The following PDE11A variants were observed in gnomAD, a reference collection of about 807,000 sequenced individuals.
The protein encoded by PDE11A is dual 3',5'-cyclic-AMP and -GMP phosphodiesterase 11A.
PDE11A carries 100 observed loss-of-function variants against 100.5 expected under a neutral mutation model. The ratio of observed to expected loss-of-function variants is 1.00; its 90% CI spans 0.85 to 1.18. The LOEUF (loss-of-function observed/expected upper bound fraction) is 1.18, where lower values mean the gene tolerates loss of function less well. Ranked by LOEUF, PDE11A falls within the 50% of genes most tolerant of loss-of-function variation. The pLI, the probability that PDE11A is intolerant of heterozygous loss-of-function variation, is 0.00. For missense variants in PDE11A, 1,141 were observed against 1,152.6 expected, an observed-to-expected ratio of 0.99 and a Z score of 0.15; for synonymous variants, 381 against 420.8, an observed-to-expected ratio of 0.91 and a Z score of 1.16.
chr2:178,001,509 A>G (rs2086145217), intron 2 of PDE11A, among the ~76,000 whole-genome samples: 1 of 152,180 alleles, frequency 6.6e-6, no homozygotes, highest in Admixed American at 6.6e-5. Flanking sequence ...AATCGGCACA[A>G]TGGATTTTAG....
chr2:177,986,228 G>C (rs1559032847), intron 2 of PDE11A, among the ~76,000 whole-genome samples: 1 of 152,114 alleles, frequency 6.6e-6, no homozygotes, highest in Non-Finnish European at 1.5e-5. Context: ...CCTAACACCA[G>C]GCTAATCCAT....
At chr2:177,795,413 A>G (rs1324636441) in intron 9 of PDE11A, among the ~76,000 whole-genome samples, 1 of 152,136 alleles carries the variant, frequency 6.6e-6, no homozygotes, top group Non-Finnish European at 1.5e-5. Context: ...GTTTGCTTCC[A>G]TTCCAAGAGC....
chr2:178,068,291 C>A (rs2087076377), intron 1 of PDE11A, among the ~76,000 whole-genome samples: 1 of 150,770 alleles, frequency 6.6e-6, no homozygotes, highest in Non-Finnish European at 1.5e-5. Flanking sequence ...TCTTTTAGGA[C>A]TAATTGAGGA....
At chr2:177,801,355 T>C (rs1367194293) in intron 9 of PDE11A, among the ~76,000 whole-genome samples, 2 of 152,202 alleles carry the variant, frequency 1.3e-5, no homozygotes, top group Non-Finnish European at 2.9e-5. Context: ...TGAATACTGT[T>C]TGATTTTTAA....
At chr2:178,021,931 T>TG (rs1328196016) in intron 1 of PDE11A, among the ~76,000 whole-genome samples, 1 of 152,030 alleles carries the variant, frequency 6.6e-6, no homozygotes, top group Non-Finnish European at 1.5e-5. Context: ...GTGTCAGACA[T>TG]GGGGTAGGAA....
intron 1 of PDE11A, among the ~76,000 whole-genome samples, chr2:178,050,369 T>C (rs1423133882): frequency 6.6e-6 from 1 of 151,986 alleles, no homozygotes; most frequent in African/African-American, 2.4e-5. Flanking sequence ...CATCAAAGAC[T>C]AAAGGTAGAC....
At chr2:177,991,644 T>TAAA (rs770408763) in intron 2 of PDE11A, among the ~76,000 whole-genome samples, 1 of 150,754 alleles carries the variant, frequency 6.6e-6, no homozygotes, top group Non-Finnish European at 1.5e-5. Flanking sequence ...CAAAAAATGA[T>TAAA]AATAATAATA....
At chr2:178,080,478 G>A (rs528613480) in intron 2 of PDE11A, among the ~76,000 whole-genome samples, 176 of 152,194 alleles carry the variant, frequency 1.2e-3, no homozygotes, top group Middle Eastern at 0.01. Context: ...TTATTTCTGA[G>A]TTCTCTATTC....
intron 9 of PDE11A, among the ~76,000 whole-genome samples, chr2:177,788,383 A>C (rs2082573169): frequency 6.7e-6 from 1 of 149,584 alleles, no homozygotes; most frequent in Non-Finnish European, 1.5e-5. Context: ...GGACGCATTC[A>C]AAGCAGTGTG....
At chr2:178,105,705 TG>T in intron 1 of PDE11A, 1 of 1,007,208 alleles carries the variant, frequency 9.9e-7, no homozygotes, top group Non-Finnish European at 1.4e-6. Context: ...TGGAACCTGA[TG>T]GCATAGGTCT....
intron 5 of PDE11A, among the ~76,000 whole-genome samples, chr2:177,852,031 G>A (rs1480579630): frequency 6.6e-6 from 1 of 152,100 alleles, no homozygotes; most frequent in African/African-American, 2.4e-5. Context: ...ACTCTTCTCT[G>A]TATCAGCAGC....
chr2:177,848,173 C>G (rs1468463868), intron 5 of PDE11A, among the ~76,000 whole-genome samples: 1 of 152,068 alleles, frequency 6.6e-6, no homozygotes, highest in Non-Finnish European at 1.5e-5. Flanking sequence ...TTTAATTTCA[C>G]TTGTCCATAT....
At position 178,072,141 on chromosome 2, in the gene PDE11A, A is replaced by C; in HGVS notation, c.297T>G (p.Ser99Arg). Residue 99 changes from serine (S) to arginine (R), a missense_variant, in exon 1 of 20, where the codon AGT becomes AGG. Transcript: ENST00000286063. Reference protein sequence around the residue: ...GGGDCGGVPLSPSWAGGSRGD... With the variant: ...GGGDCGGVPLRPSWAGGSRGD... ...CCCTGCTGCCACCGGCCCAGCTGGG[A>C]CTCAAGGGAACCCCACCACAGTCCC... 1 of 1,613,524 alleles carries C rather than the reference A, an allele frequency of 6.2e-7. No homozygotes were observed. The highest frequency in any genetic ancestry group is 8.5e-7 in the Non-Finnish European group (1 of 1,179,692).
At chr2:177,804,881 G>A (rs1268241505) in intron 9 of PDE11A, among the ~76,000 whole-genome samples, 6 of 151,684 alleles carry the variant, frequency 4.0e-5, no homozygotes, top group Admixed American at 3.9e-4. Context: ...CTAAAGAATG[G>A]GTACACATGG....
At chr2:177,631,322 A>AAAAAAAAAAAAAAAAAAAAAAAAC (rs1469522170) in intron 19 of PDE11A, among the ~76,000 whole-genome samples, 9 of 16,856 alleles carry the variant, frequency 5.3e-4, no homozygotes, top group African/African-American at 7.4e-4. Flanking sequence ...AAAAAAAAAA[A>AAAAAAAAAAAAAAAAAAAAAAAAC]CAACCTAGGC....
intron 15 of PDE11A, among the ~76,000 whole-genome samples, chr2:177,682,242 C>T (rs1373510268): frequency 6.6e-6 from 1 of 152,162 alleles, no homozygotes; most frequent in Admixed American, 6.5e-5. Flanking sequence ...GAAGCCACTC[C>T]CCACTTCAAG....
At chr2:177,807,631 G>T (rs191141888) in intron 9 of PDE11A, among the ~76,000 whole-genome samples, 28 of 152,196 alleles carry the variant, frequency 1.8e-4, no homozygotes, top group African/African-American at 6.3e-4. Context: ...TCGCCATGTT[G>T]CCCAGGCTGG....
chr2:177,859,254 AAAAT>A (rs919504577), intron 5 of PDE11A, among the ~76,000 whole-genome samples: 2 of 152,070 alleles, frequency 1.3e-5, no homozygotes, highest in African/African-American at 4.8e-5. Context: ...AAAATAAAAT[AAAAT>A]AAATAAACTT....
intron 17 of PDE11A, 132 bp from the exon 18 acceptor site, chr2:177,669,699 A>C: frequency 2.9e-6 from 2 of 680,752 alleles, no homozygotes; most frequent in Non-Finnish European, 5.3e-6. Context: ...AAGTAAGTAT[A>C]TTAACCTTTC....
Sources: gnomAD v4.1 joint callset for allele counts (sites outside exome capture counted in the v4.1 genomes callset) on GRCh38, gnomAD v4.1.1 for gene constraint, MANE v1.5 for transcripts, NCBI Gene and HGNC (gene_info 2026-07-23, HGNC 2026-07-21) for gene names.